Variants in PATJ observed in about 807,000 individuals in gnomAD.
The protein encoded by PATJ is PATJ crumbs cell polarity complex component, also known as inaD-like protein.
A neutral mutation model predicts 224.9 loss-of-function variants in PATJ; 190 were observed. The observed-to-expected ratio is 0.84, with a 90% CI of 0.75 to 0.95. The LOEUF (loss-of-function observed/expected upper bound fraction) is 0.95. Ranked by LOEUF, PATJ falls within the 40% of genes least tolerant of loss-of-function variation. PATJ has a pLI of 0.00. For synonymous variants in PATJ, 769 were observed against 820.3 expected, an observed-to-expected ratio of 0.94 and a Z score of 1.07; for missense variants, 2,121 against 2,270.3, an observed-to-expected ratio of 0.93 and a Z score of 1.34.
chr1:61,978,267 C>A (rs1644259524), intron 27 of PATJ, among the ~76,000 whole-genome samples: 1 of 111,798 alleles, frequency 8.9e-6, no homozygotes, highest in Non-Finnish European at 1.8e-5. Flanking sequence ...TTTATTCTTT[C>A]TTCTTTCTTT....
chr1:61,961,380 A>G, intron 27 of PATJ, among the ~76,000 whole-genome samples: 1 of 152,192 alleles, frequency 6.6e-6, no homozygotes, highest in East Asian at 1.9e-4. Context: ...CACAAAGCCA[A>G]GAAAGAAATG....
At chr1:61,974,936 TTTG>T (rs1350160679) in intron 27 of PATJ, among the ~76,000 whole-genome samples, 1 of 151,756 alleles carries the variant, frequency 6.6e-6, no homozygotes, top group African/African-American at 2.4e-5. Flanking sequence ...TGGTTGTTTT[TTTG>T]TTTTGTTTTG....
In PATJ at chr1:61,990,763, G is replaced by A. The variant is rs76706477; in HGVS notation, c.3867+399G>A. Reference sequence around the variant, plus strand: ...CTTCAGTTTTTTGGGGGGAAGTGGGGAAGATGTTAGAGCCAACAAGAGCCT... The same window carrying A: ...CTTCAGTTTTTTGGGGGGAAGTGGGAAAGATGTTAGAGCCAACAAGAGCCT... On this transcript the variant is annotated intron_variant, in intron 28 of 43. Transcript: ENST00000642238. 2.8e-3 allele frequency among the ~76,000 whole-genome samples: 428 copies of A among 152,164 alleles called. 2 individuals carry two copies. Among genetic ancestry groups the A allele is most frequent in the Non-Finnish European group, 4.2e-3 (288 of 68,004 alleles).
chr1:61,966,541 C>T (rs1682171417), intron 27 of PATJ, among the ~76,000 whole-genome samples: 1 of 152,060 alleles, frequency 6.6e-6, no homozygotes, highest in Non-Finnish European at 1.5e-5. Context: ...CAAAAATTAG[C>T]CTGGCATGGT....
chr1:61,885,090 C>A (rs1668629667), intron 22 of PATJ, among the ~76,000 whole-genome samples: 1 of 152,168 alleles, frequency 6.6e-6, no homozygotes, highest in Non-Finnish European at 1.5e-5. Flanking sequence ...AGCATAGGGT[C>A]AAGATTGGAG....
chr1:62,101,315 G>A (rs1028657621), intron 33 of PATJ, among the ~76,000 whole-genome samples: 3 of 146,870 alleles, frequency 2.0e-5, no homozygotes, highest in Non-Finnish European at 4.5e-5. Flanking sequence ...CCAGGCTGGA[G>A]TGCAGTGACA....
At chr1:61,751,937 C>T (rs1645355486) in intron 1 of PATJ, among the ~76,000 whole-genome samples, 1 of 151,976 alleles carries the variant, frequency 6.6e-6, no homozygotes, top group South Asian at 2.1e-4. Flanking sequence ...TTGGGAGTTT[C>T]AGACCAGTCT....
At chr1:62,134,259 C>G (rs1666576154) in intron 41 of PATJ, among the ~76,000 whole-genome samples, 1 of 145,762 alleles carries the variant, frequency 6.9e-6, no homozygotes, top group Non-Finnish European at 1.5e-5. Context: ...GGCCTGCACT[C>G]AAGAGACTGT....
At chr1:62,050,786 C>T (rs1353888527) in intron 30 of PATJ, among the ~76,000 whole-genome samples, 180 bp from the exon 31 acceptor site, 3 of 152,116 alleles carry the variant, frequency 2.0e-5, no homozygotes, top group Admixed American at 2.0e-4. Flanking sequence ...AGATAGATAC[C>T]TGAAACAACA....
intron 27 of PATJ, among the ~76,000 whole-genome samples, chr1:61,989,115 T>G (rs1210139205): frequency 6.6e-6 from 1 of 152,194 alleles, no homozygotes; most frequent in Admixed American, 6.5e-5. Flanking sequence ...CAGTGTGGTT[T>G]TGCTGCACAG....
chr1:61,814,607 A>G (rs994443354), intron 14 of PATJ, among the ~76,000 whole-genome samples: 1 of 151,678 alleles, frequency 6.6e-6, no homozygotes, highest in Non-Finnish European at 1.5e-5. Context: ...ATGTAACATT[A>G]TCATATATTT....
At chr1:61,958,438 A>C (rs1168059836) in intron 27 of PATJ, among the ~76,000 whole-genome samples, 1 of 152,230 alleles carries the variant, frequency 6.6e-6, no homozygotes, top group Non-Finnish European at 1.5e-5. Context: ...GAATATCATT[A>C]TATTATATTA....
At chr1:61,761,056 G>A (rs1048687819) in intron 1 of PATJ, among the ~76,000 whole-genome samples, 2 of 152,082 alleles carry the variant, frequency 1.3e-5, no homozygotes, top group African/African-American at 2.4e-5. Context: ...ATGGCTCACT[G>A]TAACCTCAAC....
In PATJ at chr1:61,855,732, C is replaced by T. The variant is rs1663550741; in HGVS notation, c.2113-298C>T. Among the ~76,000 whole-genome samples the T allele has an allele frequency of 2.0e-5, 3 of 152,132 alleles. No homozygotes were observed. The South Asian group carries it at 6.2e-4, about 32-fold the overall frequency. The stretch of plus-strand genomic sequence containing the variant: ...CCTGGCCTTTTAATTTTTTTAATTA[C>T]AAAAACTTTTTCTAGCAAGGTCTTG... On this transcript the variant is annotated intron_variant, in intron 17 of 43. Coordinates refer to ENST00000642238, the MANE Select transcript of PATJ (RefSeq NM_001350145.3).
intron 20 of PATJ, among the ~76,000 whole-genome samples, chr1:61,868,679 C>G (rs538953026): frequency 1.8e-4 from 27 of 152,140 alleles, no homozygotes; most frequent in African/African-American, 6.3e-4. Context: ...GTTCCAGCTA[C>G]TCGGGAGGCT....
At chr1:61,956,129 C>T (rs1294590390) in intron 27 of PATJ, among the ~76,000 whole-genome samples, 3 of 152,200 alleles carry the variant, frequency 2.0e-5, no homozygotes, top group African/African-American at 4.8e-5. Context: ...TGGCATCACA[C>T]GCTGCCCAGT....
chr1:61,877,231 G>A (rs1461024166), intron 21 of PATJ, among the ~76,000 whole-genome samples: 2 of 147,982 alleles, frequency 1.4e-5, no homozygotes, highest in East Asian at 4.1e-4. Flanking sequence ...TGCTCACGTG[G>A]TTATTCAACA....
At chr1:62,105,363 G>A (rs2148853418) in intron 33 of PATJ, among the ~76,000 whole-genome samples, 1 of 152,328 alleles carries the variant, frequency 6.6e-6, no homozygotes, top group Non-Finnish European at 1.5e-5. Context: ...TAGTCCGAGT[G>A]TAGTGTGTGA....
chr1:61,820,650 T>A (rs1557703897), intron 14 of PATJ, among the ~76,000 whole-genome samples: 1 of 152,200 alleles, frequency 6.6e-6, no homozygotes, highest in Admixed American at 6.5e-5. Flanking sequence ...CCTACATTTA[T>A]TTTTATTAAT....
Sources: allele counts gnomAD v4.1 joint callset (sites outside exome capture counted in the v4.1 genomes callset), GRCh38; gene constraint gnomAD v4.1.1; transcripts MANE v1.5; gene names NCBI Gene and HGNC (gene_info 2026-07-23, HGNC 2026-07-21).